The following PDXDC1 variants were observed in gnomAD, a reference collection of about 807,000 sequenced individuals.
PDXDC1 encodes pyridoxal dependent decarboxylase domain containing 1.
In PDXDC1, 42 loss-of-function variants were observed where a neutral mutation model predicts 100.1. The ratio of observed to expected loss-of-function variants is 0.42; its 90% CI spans 0.33 to 0.54. The LOEUF is 0.54. Ranked by LOEUF, PDXDC1 falls within the 20% of genes least tolerant of loss-of-function variation. The pLI is 0.10. For missense variants in PDXDC1, 636 were observed against 979.2 expected (o/e 0.65, Z 4.68); for synonymous variants, 260 against 371.7 (o/e 0.70, Z 3.46).
chr16:15,132,472 T>A (rs1485786926), intron 16 of PDXDC1, among the ~76,000 whole-genome samples: 2 of 146,774 alleles, frequency 1.4e-5, no homozygotes, highest in Admixed American at 1.3e-4. Flanking sequence ...GAACAGCATC[T>A]TCTTAGTCCC....
At chr16:15,013,407 G>A (rs1348098675) in intron 8 of PDXDC1, among the ~76,000 whole-genome samples, 28 of 151,906 alleles carry the variant, frequency 1.8e-4, no homozygotes, top group Middle Eastern at 3.4e-3. Flanking sequence ...AGCAGATCAG[G>A]ATTTTCCAGG....
rs4985162 is a variant in PDXDC1, at chr16:15,017,361, C to T, written c.902C>T (p.Pro301Leu). Residue 301 changes from proline (P) to leucine (L), a missense_variant, in exon 11 of 23, where the codon CCG becomes CTG. By Grantham distance (98) the Pro-to-Leu change is moderately conservative (BLOSUM62 -3). This residue lies in a region of PDXDC1 where 125 missense variants were observed against 479.9 expected (regional missense o/e 0.26). Coordinates refer to ENST00000396410, the MANE Select transcript of PDXDC1 (RefSeq NM_015027.4). Reference protein sequence around the residue: ...KCDSMTMTPGPWLGLPAVPAV... With the variant: ...KCDSMTMTPGLWLGLPAVPAV... Reference sequence around the variant, plus strand: ...GATAGCATGACGATGACTCCTGGCCCGTGGCTGGGTTTGCCAGCTGTTCCT... The same window carrying T: ...GATAGCATGACGATGACTCCTGGCCTGTGGCTGGGTTTGCCAGCTGTTCCT... 0.2 allele frequency: 306,822 copies of T among 1,514,092 alleles called. 16,840 individuals carry two copies. Among genetic ancestry groups the T allele is most frequent in the East Asian group, 0.5 (22,082 of 44,288 alleles). 93.8% of individuals were successfully genotyped at this position (1,514,092 alleles called of 1,614,324 possible).
intron 16 of PDXDC1, chr16:15,136,943 C>G: frequency 6.3e-7 from 1 of 1,576,392 alleles, no homozygotes; most frequent in Middle Eastern, 2.3e-4. Flanking sequence ...GTTCTGGATG[C>G]TGAGGTCGAG....
At chr16:15,143,513 G>A (rs1450344884), downstream of PDXDC1, among the ~76,000 whole-genome samples, 3 of 152,164 alleles carry the variant, frequency 2.0e-5, no homozygotes, top group Non-Finnish European at 2.9e-5. Context: ...CTGGAGCCTC[G>A]GCCCCTCAGG....
chr16:15,011,772 G>A (rs868807147), intron 8 of PDXDC1, among the ~76,000 whole-genome samples: 4 of 151,430 alleles, frequency 2.6e-5, no homozygotes, highest in East Asian at 2.0e-4. Context: ...CAAGCGATTC[G>A]CCTGCCTCAG....
intron 16 of PDXDC1, among the ~76,000 whole-genome samples, chr16:15,067,503 T>A (rs943352206): frequency 7.6e-6 from 1 of 131,770 alleles, no homozygotes; most frequent in African/African-American, 2.6e-5. Flanking sequence ...GGATTAGCCA[T>A]AGCTACCAGA....
chr16:15,079,056 C>G (rs1398407658), intron 16 of PDXDC1, among the ~76,000 whole-genome samples: 1 of 152,066 alleles, frequency 6.6e-6, no homozygotes, highest in Admixed American at 6.5e-5. Flanking sequence ...GTGATCCGCC[C>G]GCCTCGGCCT....
chr16:15,092,446 A>G (rs2046171898), intron 16 of PDXDC1: 5 of 961,758 alleles, frequency 5.2e-6, no homozygotes, highest in South Asian at 1.3e-5. Flanking sequence ...GGTCTTTAGT[A>G]TAACAGCAAT....
chr16:15,077,860 CT>C (rs1444184619), intron 16 of PDXDC1, among the ~76,000 whole-genome samples: 1 of 152,016 alleles, frequency 6.6e-6, no homozygotes, highest in Non-Finnish European at 1.5e-5. Context: ...ACAAAAACAT[CT>C]CTTTTTCTTC....
the PDXDC1 span, among the ~76,000 whole-genome samples, chr16:15,151,878 C>G: frequency 1.5e-5 from 2 of 132,086 alleles, 1 homozygote; most frequent in Non-Finnish European, 3.4e-5. Context: ...TTGCCATGAG[C>G]CGAGATCGTG....
intron 1 of PDXDC1, among the ~76,000 whole-genome samples, chr16:14,980,852 G>A (rs1455680522): frequency 6.6e-6 from 1 of 152,278 alleles, no homozygotes; most frequent in Non-Finnish European, 1.5e-5. Flanking sequence ...TGCCCACCTT[G>A]GCCTCCCAAA....
chr16:14,975,035 A>G lies in PDXDC1; in HGVS notation c.-165A>G, dbSNP rs554183469. 51 of 1,528,136 alleles carry G rather than the reference A, an allele frequency of 3.3e-5. No homozygotes were observed. Among genetic ancestry groups the G allele is most frequent in the South Asian group, 7.2e-5 (6 of 83,604 alleles). The allele number at this position is 1,528,136 out of a possible 1,614,324, so 94.7% of individuals were successfully genotyped here. ...GGCCCCGCCCCGCCGCCTCTCAACC[A>G]TCAGGTTCGGCAGCCCGCGGCGCCG... On this transcript the variant is annotated 5_prime_UTR_variant, in exon 1 of 23. Transcript: ENST00000396410.
intron 16 of PDXDC1, chr16:15,127,420 G>A (rs775364046): frequency 1.2e-5 from 17 of 1,459,722 alleles, no homozygotes; most frequent in African/African-American, 7.1e-5. Flanking sequence ...GCATGGTGCC[G>A]AGGCCCAGGC....
chr16:15,069,148 G>C (rs112527105), intron 16 of PDXDC1, among the ~76,000 whole-genome samples: 1 of 152,198 alleles, frequency 6.6e-6, no homozygotes, highest in Admixed American at 6.5e-5. Context: ...AGCTGTGGCT[G>C]TTAACCCAAG....
intron 4 of PDXDC1, among the ~76,000 whole-genome samples, chr16:15,002,947 T>C (rs1973471750): frequency 6.6e-6 from 1 of 152,272 alleles, no homozygotes; most frequent in Admixed American, 6.5e-5. Context: ...TTGTATGTTT[T>C]AAGACCCATT....
At chr16:15,028,817 G>A (rs2042827944) in intron 14 of PDXDC1, 61 bp from the exon 15 acceptor site, 3 of 1,507,564 alleles carry the variant, frequency 2.0e-6, no homozygotes, top group Admixed American at 1.8e-5. Context: ...GGGTTTGGAG[G>A]GTGTTTTTTT....
intron 11 of PDXDC1, among the ~76,000 whole-genome samples, chr16:15,017,698 T>C (rs1180566164): frequency 6.6e-6 from 1 of 152,286 alleles, no homozygotes; most frequent in African/African-American, 2.4e-5. Flanking sequence ...CTTTCTGTGT[T>C]TCTAATTATT....
chr16:15,098,269 C>G (rs1453147214), intron 16 of PDXDC1, among the ~76,000 whole-genome samples: 2 of 149,722 alleles, frequency 1.3e-5, no homozygotes, highest in East Asian at 4.0e-4. Context: ...GGCACAAGCT[C>G]AGCTCACTGC....
At chr16:15,140,095 CAAAA>C (rs372891971), downstream of PDXDC1, among the ~76,000 whole-genome samples, 25 of 43,830 alleles carry the variant, frequency 5.7e-4, no homozygotes, top group South Asian at 1.4e-3. Context: ...GACTCCATCT[CAAAA>C]AAAAAAAAAA....
Sources: allele counts gnomAD v4.1 joint callset (sites outside exome capture counted in the v4.1 genomes callset), GRCh38; gene constraint gnomAD v4.1.1; regional missense constraint gnomAD v4.1.1; transcripts MANE v1.5; gene names NCBI Gene and HGNC (gene_info 2026-07-23, HGNC 2026-07-21).